Variants in LRP1B observed in about 807,000 individuals in gnomAD.
The protein encoded by LRP1B is low-density lipoprotein receptor-related protein 1B.
In LRP1B, 217 loss-of-function variants were observed where a neutral mutation model predicts 556.6. The ratio of observed to expected loss-of-function variants is 0.39; its 90% CI spans 0.35 to 0.44. The LOEUF is 0.44. Among genes scored for constraint, LRP1B ranks in the 20% least tolerant of loss-of-function variants. The probability of loss-of-function intolerance (pLI) is 1.00; values close to 1 mark genes in which losing one functional copy is unlikely to be tolerated. For synonymous variants in LRP1B, 2,047 were observed against 1,865.8 expected, an observed-to-expected ratio of 1.10 and a Z score of -2.50; for missense variants, 5,053 against 5,620.8, an observed-to-expected ratio of 0.90 and a Z score of 3.23.
At chr2:142,107,794 ATTTT>A (rs67962280) in intron 1 of LRP1B, among the ~76,000 whole-genome samples, 4,716 of 110,662 alleles carry the variant, frequency 0.043, 106 homozygotes, top group Non-Finnish European at 0.058. Context: ...CGCCTAGCTA[ATTTT>A]TTTTTTTTTT....
At position 141,934,727 on chromosome 2, in the gene LRP1B, C is replaced by T. The variant is rs569516332; in HGVS notation, c.83-124326G>A. Among the ~76,000 whole-genome samples, 4 of 152,152 alleles carry T rather than the reference C, an allele frequency of 2.6e-5. No homozygotes were observed. In the South Asian group the frequency reaches 6.2e-4, roughly 24 times the overall value. On this transcript the variant is annotated intron_variant, in intron 1 of 90. Transcript: ENST00000389484. ...TGATCGTTTTATAAGGGGATTTTGT[C>T]CCCTTTCGCTCTGCACTTCTTGCTG...
chr2:140,977,406 C>T (rs1469226591), intron 18 of LRP1B, among the ~76,000 whole-genome samples: 3 of 152,124 alleles, frequency 2.0e-5, no homozygotes, highest in South Asian at 2.1e-4. Flanking sequence ...TATGTCTTCA[C>T]CAGCAGCGTG....
intron 2 of LRP1B, among the ~76,000 whole-genome samples, chr2:141,794,123 G>C (rs1176151575): frequency 6.6e-6 from 1 of 151,798 alleles, no homozygotes; most frequent in Admixed American, 6.6e-5. Flanking sequence ...TTTTAGTCTA[G>C]AAAGAAAGTA....
At chr2:142,042,654 G>T (rs986532380) in intron 1 of LRP1B, among the ~76,000 whole-genome samples, 1 of 151,450 alleles carries the variant, frequency 6.6e-6, no homozygotes, top group East Asian at 1.9e-4. Context: ...GGTTCAAAAA[G>T]CCTTTCTCAA....
intron 7 of LRP1B, among the ~76,000 whole-genome samples, chr2:141,086,205 A>G (rs1459661113): frequency 6.6e-6 from 1 of 152,204 alleles, no homozygotes; most frequent in Non-Finnish European, 1.5e-5. Flanking sequence ...TATTTTTTAG[A>G]ACATGTCACC....
At chr2:141,797,977 G>A (rs1246395885) in intron 2 of LRP1B, among the ~76,000 whole-genome samples, 1 of 152,122 alleles carries the variant, frequency 6.6e-6, no homozygotes, top group African/African-American at 2.4e-5. Context: ...ATTATCCTTG[G>A]TTGGATCCTG....
chr2:140,653,718 A>T (rs1229787085), intron 41 of LRP1B, among the ~76,000 whole-genome samples: 2 of 152,058 alleles, frequency 1.3e-5, no homozygotes, highest in Non-Finnish European at 2.9e-5. Flanking sequence ...TATGCTAAAG[A>T]AGCATACTAA....
At chr2:141,908,101 C>T (rs903472425) in intron 1 of LRP1B, among the ~76,000 whole-genome samples, 1 of 151,776 alleles carries the variant, frequency 6.6e-6, no homozygotes, top group African/African-American at 2.4e-5. Flanking sequence ...TATGGAAACA[C>T]GTAAAGGGGA....
intron 37 of LRP1B, among the ~76,000 whole-genome samples, chr2:140,707,295 C>G (rs1686873652): frequency 6.6e-6 from 1 of 152,102 alleles, no homozygotes; most frequent in Non-Finnish European, 1.5e-5. Flanking sequence ...TCAGGTAATT[C>G]TCTTATGTCG....
intron 35 of LRP1B, among the ~76,000 whole-genome samples, chr2:140,741,544 A>G (rs1688138046): frequency 6.6e-6 from 1 of 151,982 alleles, no homozygotes; most frequent in East Asian, 1.9e-4. Flanking sequence ...GGTAAATTGC[A>G]TATCACAGGA....
At chr2:140,390,800 A>T (rs1165864709) in intron 66 of LRP1B, among the ~76,000 whole-genome samples, 1 of 150,530 alleles carries the variant, frequency 6.6e-6, no homozygotes, top group Non-Finnish European at 1.5e-5. Flanking sequence ...ACACACACAC[A>T]CACACAACAT....
Position 141,013,586 on chromosome 2 carries a change from G to A in LRP1B, c.2350C>T (p.Leu784Phe). 6.2e-7 allele frequency: 1 copy of A among 1,609,284 alleles called. No individual in the cohort carries two copies. Among genetic ancestry groups the A allele is most frequent in the Non-Finnish European group, 8.5e-7 (1 of 1,178,098 alleles). The change falls in exon 14 of 91, where the codon CTT becomes TTT. Residue 784 changes from leucine (L) to phenylalanine (F), a missense_variant. Leu to Phe is a conservative substitution (Grantham distance 22). Around this residue, in one of 5 missense-constraint regions of LRP1B, gnomAD observed 3,619 missense variants for 3,931.9 expected, o/e 0.92. Coordinates refer to ENST00000389484, the MANE Select transcript of LRP1B (RefSeq NM_018557.3). ...TGCTTTCGTGGATCATAAATCTGAA[G>A]CCCAAATAGGGGTGGTCTTTCATGC... ...LRHERPPLFG[L>F]QIYDPRKQQG...
chr2:140,358,969 AAAG>A, intron 72 of LRP1B, 23 bp from the exon 73 acceptor site: 1 of 1,601,418 alleles, frequency 6.2e-7, no homozygotes, highest in Non-Finnish European at 8.5e-7. Flanking sequence ...AAGAAAAAAC[AAAG>A]AAGCTCCTTC....
intron 11 of LRP1B, among the ~76,000 whole-genome samples, chr2:141,034,159 G>A (rs1698460807): frequency 6.6e-6 from 1 of 152,024 alleles, no homozygotes; most frequent in Admixed American, 6.6e-5. Flanking sequence ...TTACACCTAT[G>A]GTATCTTAAG....
chr2:141,075,537 G>A (rs1419763847), intron 7 of LRP1B, among the ~76,000 whole-genome samples: 1 of 152,110 alleles, frequency 6.6e-6, no homozygotes, highest in Admixed American at 6.5e-5. Flanking sequence ...TACCAGTACT[G>A]AAAAGCTCAT....
chr2:140,677,930 G>A (rs1267740272), intron 41 of LRP1B, among the ~76,000 whole-genome samples: 1 of 151,056 alleles, frequency 6.6e-6, no homozygotes, highest in Non-Finnish European at 1.5e-5. Flanking sequence ...ACACATGAAG[G>A]AGAATGAGTG....
In LRP1B at chr2:141,055,240, T is replaced by C. The variant is rs1343259251; in HGVS notation, c.1428A>G (p.Glu476=). 1 of 1,610,544 alleles carries C rather than the reference T, an allele frequency of 6.2e-7. No homozygotes were observed. Among genetic ancestry groups the C allele is most frequent in the South Asian group, 1.1e-5 (1 of 90,682 alleles). Residue 476 remains glutamate (E), a synonymous_variant, in exon 10 of 91, where the codon GAA becomes GAG. Transcript: ENST00000389484. ...TQPTVRSHAC[E]VDPYGMPGGC... ...CCCCTGGCATTCCATATGGATCGAC[T>C]TCACATGCATGGCTTCTGACTACAA...
chr2:141,270,831 T>C (rs1397665626), intron 3 of LRP1B, among the ~76,000 whole-genome samples: 1 of 151,916 alleles, frequency 6.6e-6, no homozygotes. Flanking sequence ...AATGGAGAGT[T>C]TCAGTATGAG....
intron 1 of LRP1B, among the ~76,000 whole-genome samples, chr2:141,820,335 T>C (rs187768628): frequency 6.6e-6 from 1 of 152,250 alleles, no homozygotes; most frequent in East Asian, 1.9e-4. Context: ...GAAAAATATA[T>C]TTAGATTATG....
Sources: allele counts gnomAD v4.1 joint callset (sites outside exome capture counted in the v4.1 genomes callset), GRCh38; gene constraint gnomAD v4.1.1; regional missense constraint gnomAD v4.1.1; transcripts MANE v1.5; gene names NCBI Gene and HGNC (gene_info 2026-07-23, HGNC 2026-07-21).